The following STARD9 variants were observed in gnomAD, a reference collection of about 807,000 sequenced individuals.
STARD9 encodes the protein stAR-related lipid transfer protein 9.
Under a neutral mutation model 399.8 loss-of-function variants are expected in STARD9, and 346 were observed. That is an observed-to-expected ratio of 0.87 (90% CI 0.79 to 0.95). The LOEUF (loss-of-function observed/expected upper bound fraction) is 0.95, where lower values mean the gene tolerates loss of function less well. STARD9 is among the 40% of genes least tolerant of loss of function. The probability of loss-of-function intolerance (pLI) is 0.00; values close to 1 mark genes in which losing one functional copy is unlikely to be tolerated. For synonymous variants in STARD9, 2,203 were observed against 2,143.5 expected (o/e 1.03, Z -0.77); for missense variants, 5,832 against 5,667.5 (o/e 1.03, Z -0.93).
At position 42,689,712 on chromosome 15, in the gene STARD9, C is replaced by T; in HGVS notation, c.8134C>T (p.Pro2712Ser). 1.3e-6 allele frequency: 2 copies of T among 1,537,852 alleles called. No individual in the cohort carries two copies. Among genetic ancestry groups the T allele is most frequent in the East Asian group, 2.4e-5 (1 of 40,914 alleles). ...IEKKKDATRTPSSADPLAPDS... is the reference protein window; with the variant it reads ...IEKKKDATRTSSSADPLAPDS... Reference sequence around the variant, plus strand: ...GAAAAAGAAAGATGCAACCAGAACACCTTCCTCAGCTGATCCTTTGGCCCC... The same window carrying T: ...GAAAAAGAAAGATGCAACCAGAACATCTTCCTCAGCTGATCCTTTGGCCCC... The change falls in exon 23 of 33, where the codon CCT becomes TCT. Residue 2712 changes from proline to serine, a missense_variant. Pro to Ser is a moderately conservative substitution (Grantham distance 74). Transcript: ENST00000290607.
At chr15:42,622,989 C>T (rs1025135245) in intron 3 of STARD9, among the ~76,000 whole-genome samples, 6 of 152,078 alleles carry the variant, frequency 3.9e-5, no homozygotes, top group East Asian at 1.9e-4. Flanking sequence ...TGGTAGCTCA[C>T]GCCTGTAATC....
At position 42,587,636 on chromosome 15, in the gene STARD9, G is replaced by A. The variant is rs537656382; in HGVS notation, c.234+1999G>A. On this transcript the variant is annotated intron_variant, in intron 3 of 32. Coordinates refer to ENST00000290607, the MANE Select transcript of STARD9 (RefSeq NM_020759.3). Reference sequence around the variant, plus strand: ...GCCTGGAGTGCAATGGCACCATCTCGGCTCACCACAACTTCTCCTCCTGGG... The same window carrying A: ...GCCTGGAGTGCAATGGCACCATCTCAGCTCACCACAACTTCTCCTCCTGGG... 1.2e-4 allele frequency among the ~76,000 whole-genome samples: 18 copies of A among 152,162 alleles called. No homozygotes were observed. The South Asian group carries it at 2.5e-3, about 21-fold the overall frequency.
At position 42,684,142 on chromosome 15, in the gene STARD9, C is replaced by T. The variant is rs755374989; in HGVS notation, c.2564C>T (p.Thr855Ile). ...HSIFLSWDPS[T>I]TLPPRPDPTH... ...ATTTTCCTAAGTTGGGATCCCTCTA[C>T]CACATTGCCACCTAGGCCTGACCCT... is the stretch of plus-strand genomic sequence containing the variant. The change falls in exon 23 of 33, where the codon ACC (threonine) becomes ATC (isoleucine). Residue 855 changes from threonine (T) to isoleucine (I), a missense_variant. This residue lies in a region of STARD9 where 5,828 missense variants were observed against 5,651.1 expected (regional missense o/e 1.03). Coordinates refer to ENST00000290607, the MANE Select transcript of STARD9 (RefSeq NM_020759.3). 10 of 1,535,318 alleles carry T rather than the reference C, an allele frequency of 6.5e-6. No individual in the cohort carries two copies. Among genetic ancestry groups the T allele is most frequent in the African/African-American group, 1.4e-5 (1 of 73,012 alleles).
intron 8 of STARD9, 66 bp from the exon 9 acceptor site, chr15:42,652,454 T>C (rs2059781512): frequency 7.5e-7 from 1 of 1,325,866 alleles, no homozygotes; most frequent in Non-Finnish European, 1.0e-6. Context: ...GTATTCTGTA[T>C]GGATCCTTAA....
chr15:42,638,743 C>G lies in STARD9; in HGVS notation c.490C>G (p.Gln164Glu). The G allele has an allele frequency of 6.5e-7, 1 of 1,536,440 alleles. No homozygotes were observed. The highest frequency in any genetic ancestry group is 1.2e-5 in the South Asian group (1 of 83,982). The change falls in exon 7 of 33, where the codon CAA becomes GAA. Residue 164 changes from glutamine (Q) to glutamate (E), a missense_variant. Physicochemically the swap from Gln to Glu is conservative, Grantham distance 29. This residue lies in a region of STARD9 where 5,828 missense variants were observed against 5,651.1 expected (regional missense o/e 1.03). Coordinates refer to ENST00000290607, the MANE Select transcript of STARD9 (RefSeq NM_020759.3). ...YNERVRDLLK[Q>E]SGQKKSYTLR... The stretch of plus-strand genomic sequence containing the variant: ...TGAACGGGTGCGGGATCTGTTGAAG[C>G]AATCTGGTCAAAAAAAGTCCTATAC...
intron 3 of STARD9, among the ~76,000 whole-genome samples, chr15:42,631,456 G>A (rs1310752867): frequency 1.3e-5 from 2 of 151,876 alleles, no homozygotes; most frequent in Admixed American, 6.6e-5. Context: ...GGTGTGCGCC[G>A]GTAGTCTCAG....
intron 3 of STARD9, among the ~76,000 whole-genome samples, chr15:42,600,589 G>C (rs1434081170): frequency 6.7e-6 from 1 of 149,920 alleles, no homozygotes; most frequent in African/African-American, 2.5e-5. Context: ...GCAACGGCAC[G>C]ATCTTGGCTC....
intron 26 of STARD9, among the ~76,000 whole-genome samples, chr15:42,701,992 C>CAAAA (rs57444195): frequency 3.1e-4 from 14 of 44,976 alleles, no homozygotes; most frequent in African/African-American, 6.0e-4. Context: ...GACTCTGACT[C>CAAAA]AAAAAAAAAA....
At chr15:42,578,341 CCT>C (rs1370105099) in intron 1 of STARD9, among the ~76,000 whole-genome samples, 2 of 152,000 alleles carry the variant, frequency 1.3e-5, no homozygotes, top group Admixed American at 6.6e-5. Flanking sequence ...AAACTCCTGA[CCT>C]CACCTGCCAT....
Position 42,684,706 on chromosome 15 carries a change from G to A in STARD9, c.3128G>A (p.Arg1043Lys). 1 of 1,537,188 alleles carries A rather than the reference G, an allele frequency of 6.5e-7. No homozygotes were observed. Among genetic ancestry groups the A allele is most frequent in the East Asian group, 2.4e-5 (1 of 40,904 alleles). ...KPPSPSRASK[R>K]HQRVLATRVR... ...CCTTCTCCAAGCAGGGCATCAAAAA[G>A]GCATCAGAGGGTTCTGGCAACTAGG... Residue 1043 changes from arginine (R) to lysine (K), a missense_variant, in exon 23 of 33, where the codon AGG (arginine) becomes AAG (lysine). Physicochemically the swap from Arg to Lys is conservative, Grantham distance 26 (BLOSUM62 2). Coordinates refer to ENST00000290607, the MANE Select transcript of STARD9 (RefSeq NM_020759.3).
chr15:42,694,250 C>A lies in STARD9; in HGVS notation c.12672C>A (p.Ala4224=), dbSNP rs566736879. Residue 4224 remains alanine (A), a synonymous_variant, in exon 23 of 33, where the codon GCC becomes GCA. Coordinates refer to ENST00000290607, the MANE Select transcript of STARD9 (RefSeq NM_020759.3). ...AACTGCACCATGGCTTTGGGGAGGCCGATGCCCTGCTCCAGGTGCTGCAGA... is the reference window on the plus strand; with the variant it reads ...AACTGCACCATGGCTTTGGGGAGGCAGATGCCCTGCTCCAGGTGCTGCAGA... The part of the protein sequence containing the change: ...EAKLHHGFGE[A]DALLQVLQSG... 1.3e-6 allele frequency: 2 copies of A among 1,530,072 alleles called. No homozygotes were observed. Among genetic ancestry groups the A allele is most frequent in the Non-Finnish European group, 1.7e-6 (2 of 1,143,292 alleles). The allele number at this position is 1,530,072 out of a possible 1,614,324, so 94.8% of individuals were successfully genotyped here. A position where few individuals can be genotyped will look rare whatever the true frequency, so the allele number is the denominator to read the frequency against.
At chr15:42,637,883 G>A (rs1448771057) in intron 4 of STARD9, 24 bp from the exon 5 acceptor site, 1 of 1,536,930 alleles carries the variant, frequency 6.5e-7, no homozygotes, top group Middle Eastern at 1.7e-4. Flanking sequence ...AAACAATAAT[G>A]CTTTCCTTTC....
At chr15:42,614,330 G>A (rs772257192) in intron 3 of STARD9, among the ~76,000 whole-genome samples, 5 of 151,884 alleles carry the variant, frequency 3.3e-5, no homozygotes, top group Non-Finnish European at 7.4e-5. Context: ...TTATAAGAAG[G>A]CTTTTAAGTG....
Position 42,620,226 on chromosome 15 carries a change from T to A in STARD9, c.235-14630T>A, listed in dbSNP as rs978903325. 2.0e-5 allele frequency among the ~76,000 whole-genome samples: 3 copies of A among 152,012 alleles called. No homozygotes were observed. In the East Asian group the frequency reaches 5.8e-4, roughly 29 times the overall value. ...TTGGGCCAACTTGAGCATTGCAACC[T>A]GGGAGCAGAGGTTCAAGTTGCCCTG... is the stretch of plus-strand genomic sequence containing the variant. On this transcript the variant is annotated intron_variant, in intron 3 of 32. Transcript: ENST00000290607.
chr15:42,684,519 G>A lies in STARD9; in HGVS notation c.2941G>A (p.Ala981Thr). 6 of 1,537,136 alleles carry A rather than the reference G, an allele frequency of 3.9e-6. No individual in the cohort carries two copies. The highest frequency in any genetic ancestry group is 5.2e-6 in the Non-Finnish European group (6 of 1,146,882). ...TTQTRGAKGL[A>T]DPSHTQAGWR... ...CCAGACCAGAGGGGCGAAGGGACTA[G>A]CAGACCCTAGCCACACACAAGCTGG... The change falls in exon 23 of 33, where the codon GCA (alanine) becomes ACA (threonine). Residue 981 changes from alanine to threonine, a missense_variant. Around this residue, in one of 2 missense-constraint regions of STARD9, gnomAD observed 5,828 missense variants for 5,651.1 expected, o/e 1.03. Coordinates refer to ENST00000290607, the MANE Select transcript of STARD9 (RefSeq NM_020759.3).
chr15:42,659,674 C>T (rs565271966), intron 9 of STARD9, among the ~76,000 whole-genome samples: 5 of 152,036 alleles, frequency 3.3e-5, no homozygotes, highest in South Asian at 2.1e-4. Flanking sequence ...TACAGGTGCC[C>T]GCCACCACGC....
In STARD9 at chr15:42,695,175, C is replaced by T. The variant is rs947919082; in HGVS notation, c.12998C>T (p.Pro4333Leu). 1.3e-6 allele frequency: 2 copies of T among 1,536,592 alleles called. No individual in the cohort carries two copies. Among genetic ancestry groups the T allele is most frequent in the African/African-American group, 1.4e-5 (1 of 73,124 alleles). Residue 4333 changes from proline to leucine, a missense_variant, in exon 25 of 33, where the codon CCC becomes CTC. Coordinates refer to ENST00000290607, the MANE Select transcript of STARD9 (RefSeq NM_020759.3). ...PESVSRSAHT[P>L]SDIELMLQDY... ...TCAGTGTCAAGGTCAGCTCACACAC[C>T]CTCTGACATAGAGTTGATGCTGCAA...
rs1428877881 is a variant in STARD9, at chr15:42,691,152, A to G, written c.9574A>G (p.Lys3192Glu). 2 of 1,537,292 alleles carry G rather than the reference A, an allele frequency of 1.3e-6. No homozygotes were observed. Among genetic ancestry groups the G allele is most frequent in the South Asian group, 2.4e-5 (2 of 84,064 alleles). ...RDHNRLDSQA[K>E]FVARLKHTCS... The stretch of plus-strand genomic sequence containing the variant: ...TCACAATCGCTTGGATTCCCAAGCC[A>G]AGTTTGTAGCAAGGTTAAAACATAC... The change falls in exon 23 of 33, where the codon AAG becomes GAG. Residue 3192 changes from lysine (K) to glutamate (E), a missense_variant. Lys to Glu is a moderately conservative substitution (Grantham distance 56). Coordinates refer to ENST00000290607, the MANE Select transcript of STARD9 (RefSeq NM_020759.3).
At chr15:42,662,218 A>G (rs2060006345) in intron 10 of STARD9, among the ~76,000 whole-genome samples, 3 of 152,228 alleles carry the variant, frequency 2.0e-5, no homozygotes, top group Admixed American at 1.3e-4. Flanking sequence ...TTACATATGT[A>G]TTTAGAAAGA....
Sources: gnomAD v4.1 joint callset for allele counts (sites outside exome capture counted in the v4.1 genomes callset) on GRCh38, gnomAD v4.1.1 for gene constraint, gnomAD v4.1.1 regional missense constraint, MANE v1.5 for transcripts, NCBI Gene and HGNC (gene_info 2026-07-23, HGNC 2026-07-21) for gene names.